Variants in PTPRD observed in about 807,000 individuals in gnomAD.
The protein encoded by PTPRD is protein tyrosine phosphatase receptor type D.
A neutral mutation model predicts 214.5 loss-of-function variants in PTPRD; 34 were observed. The ratio of observed to expected loss-of-function variants is 0.16; its 90% CI spans 0.12 to 0.21. The LOEUF is 0.21. Ranked by LOEUF, PTPRD falls within the 10% of genes least tolerant of loss-of-function variation. The pLI is 1.00. For missense variants in PTPRD, 2,545 were observed against 2,398.7 expected (o/e 1.06, Z -1.27); for synonymous variants, 1,128 against 845.7 (o/e 1.33, Z -5.79).
At position 9,441,001 on chromosome 9, in the gene PTPRD, A is replaced by G. The variant is rs74482339; in HGVS notation, c.-236-43519T>C. 5.2e-3 allele frequency among the ~76,000 whole-genome samples: 794 copies of G among 152,324 alleles called. 6 individuals are homozygous for G. The highest frequency in any genetic ancestry group is 0.013 in the African/African-American group (524 of 41,570). On this transcript the variant is annotated intron_variant, in intron 8 of 45. Coordinates refer to ENST00000381196, the MANE Select transcript of PTPRD (RefSeq NM_002839.4). ...CTGTTAGCCTAGTCAATCTACAGAAAGTTCCAGAGCTGAAATGTCCTGTGA... is the reference window on the plus strand; with the variant it reads ...CTGTTAGCCTAGTCAATCTACAGAAGGTTCCAGAGCTGAAATGTCCTGTGA...
At chr9:9,575,808 C>A (rs1245192831) in intron 7 of PTPRD, among the ~76,000 whole-genome samples, 4 of 149,072 alleles carry the variant, frequency 2.7e-5, no homozygotes, top group Admixed American at 1.3e-4. Context: ...AGTTACTGAG[C>A]CCTTTGTAAA....
chr9:10,507,887 G>A (rs1324782947), intron 2 of PTPRD, among the ~76,000 whole-genome samples: 1 of 152,126 alleles, frequency 6.6e-6, no homozygotes, highest in Non-Finnish European at 1.5e-5. Context: ...ACATAGGCAT[G>A]GGCAAGGACT....
At chr9:8,696,186 G>C (rs1312375466) in intron 12 of PTPRD, among the ~76,000 whole-genome samples, 3 of 151,964 alleles carry the variant, frequency 2.0e-5, no homozygotes, top group Non-Finnish European at 4.4e-5. Flanking sequence ...CAACACAACA[G>C]AGAGAAGAGG....
At chr9:8,644,325 C>A (rs1053216982) in intron 12 of PTPRD, among the ~76,000 whole-genome samples, 6 of 152,146 alleles carry the variant, frequency 3.9e-5, no homozygotes, top group South Asian at 2.1e-4. Context: ...AGAGAAGATG[C>A]CCACTATGGG....
intron 8 of PTPRD, among the ~76,000 whole-genome samples, chr9:9,480,470 A>G (rs564527221): frequency 1.3e-5 from 2 of 152,214 alleles, no homozygotes; most frequent in Non-Finnish European, 2.9e-5. Flanking sequence ...TCAAGAAGTT[A>G]TATGCAAGGC....
At chr9:10,023,517 T>C (rs2096863632) in intron 4 of PTPRD, among the ~76,000 whole-genome samples, 2 of 152,334 alleles carry the variant, frequency 1.3e-5, no homozygotes, top group South Asian at 4.1e-4. Flanking sequence ...GTTTGTACCA[T>C]CAAATATTTC....
intron 9 of PTPRD, among the ~76,000 whole-genome samples, chr9:9,385,962 T>C (rs1292352270): frequency 6.6e-6 from 1 of 152,130 alleles, no homozygotes; most frequent in Non-Finnish European, 1.5e-5. Context: ...CTCCTTTGTA[T>C]GTGTATCTAT....
chr9:10,427,729 C>T (rs570285287), intron 2 of PTPRD, among the ~76,000 whole-genome samples: 2 of 152,024 alleles, frequency 1.3e-5, no homozygotes, highest in African/African-American at 4.8e-5. Flanking sequence ...AAAAAAGAAA[C>T]CAAAATAAAA....
chr9:8,454,477 T>C (rs1318473576), intron 33 of PTPRD: 4 of 1,207,856 alleles, frequency 3.3e-6, no homozygotes, highest in Non-Finnish European at 2.4e-6. Flanking sequence ...CCAGGTATTA[T>C]CTTTTGTGTG....
At chr9:10,264,633 C>A (rs958427851) in intron 3 of PTPRD, among the ~76,000 whole-genome samples, 2 of 152,092 alleles carry the variant, frequency 1.3e-5, no homozygotes, top group Non-Finnish European at 2.9e-5. Flanking sequence ...GCCTCATAGG[C>A]CAAAGGGACT....
chr9:8,435,736 C>T (rs2095320338), intron 35 of PTPRD, among the ~76,000 whole-genome samples: 1 of 152,034 alleles, frequency 6.6e-6, no homozygotes, highest in African/African-American at 2.4e-5. Context: ...CACACGCACG[C>T]ACGTGCATAC....
rs572529519 is a variant in PTPRD, at chr9:8,710,128, T to C, written c.64+23652A>G. Among the ~76,000 whole-genome samples the C allele has an allele frequency of 1.2e-4, 18 of 152,286 alleles. No individual in the cohort carries two copies. In the South Asian group the frequency reaches 3.1e-3, roughly 26 times the overall value. On this transcript the variant is annotated intron_variant, in intron 12 of 45. Transcript: ENST00000381196. ...ACGCACATCCTAAGTGCCCAATAAA[T>C]ATTAGCTCTTTGTTACTAATATTAG...
intron 3 of PTPRD, among the ~76,000 whole-genome samples, chr9:10,143,676 T>C (rs890808003): frequency 2.0e-5 from 3 of 151,952 alleles, no homozygotes. Flanking sequence ...CAACAGTGGG[T>C]TGCATAAAGA....
intron 4 of PTPRD, among the ~76,000 whole-genome samples, chr9:9,996,565 T>C (rs2096129419): frequency 6.6e-6 from 1 of 152,198 alleles, no homozygotes; most frequent in Non-Finnish European, 1.5e-5. Flanking sequence ...ACCTTGAGCC[T>C]TTGTGAAAGC....
chr9:9,111,473 C>G (rs964453101), intron 10 of PTPRD, among the ~76,000 whole-genome samples: 27 of 152,088 alleles, frequency 1.8e-4, no homozygotes, highest in African/African-American at 6.0e-4. Flanking sequence ...TCAGGTAGCA[C>G]TGGAACACCA....
intron 10 of PTPRD, among the ~76,000 whole-genome samples, chr9:9,042,383 G>A (rs7034007): frequency 0.099 from 15,092 of 152,070 alleles, 869 homozygotes; most frequent in South Asian, 0.17. Context: ...ATTCCAACTG[G>A]GATCACGTGC....
At chr9:8,499,878 C>T (rs767157459) in intron 24 of PTPRD, 38 bp from the exon 25 acceptor site, 36 of 1,548,940 alleles carry the variant, frequency 2.3e-5, no homozygotes, top group African/African-American at 4.1e-5. Context: ...ATTATAGGCA[C>T]TTGTCCCACC....
intron 3 of PTPRD, among the ~76,000 whole-genome samples, chr9:10,242,190 C>A (rs546332493): frequency 2.0e-5 from 3 of 152,072 alleles, no homozygotes; most frequent in African/African-American, 7.2e-5. Context: ...TTCCAGAACC[C>A]TATGACTGGC....
intron 9 of PTPRD, among the ~76,000 whole-genome samples, chr9:9,339,902 A>G (rs943011348): frequency 5.3e-5 from 8 of 152,174 alleles, no homozygotes; most frequent in African/African-American, 1.9e-4. Context: ...CAATATATAT[A>G]ATCATAAATA....
Sources: allele counts gnomAD v4.1 joint callset (sites outside exome capture counted in the v4.1 genomes callset), GRCh38; gene constraint gnomAD v4.1.1; transcripts MANE v1.5; gene names NCBI Gene and HGNC (gene_info 2026-07-23, HGNC 2026-07-21).